DCP1A: variants seen among roughly 807,000 people sequenced by gnomAD.
DCP1A encodes the protein decapping mRNA 1A, also known as mRNA-decapping enzyme 1A.
In DCP1A, 20 loss-of-function variants were observed where a neutral mutation model predicts 58.0. The observed-to-expected ratio is 0.34, with a 90% confidence interval of 0.24 to 0.50. The LOEUF is 0.50. Among genes scored for constraint, DCP1A ranks in the 20% least tolerant of loss-of-function variants. DCP1A has a pLI of 0.98. For synonymous variants in DCP1A, 285 were observed against 275.1 expected (o/e 1.04, Z -0.36); for missense variants, 613 against 712.2 (o/e 0.86, Z 1.59).
In DCP1A at chr3:53,292,453, G is replaced by T; in HGVS notation, c.999C>A (p.Pro333=). Residue 333 remains proline (P), a synonymous_variant, in exon 7 of 10, where the codon CCC becomes CCA. Transcript: ENST00000610213. ...PAEAPTAQVP[P]SLPRNSTMMQ... ...TCATGGTGCTGTTTCGAGGTAAGCT[G>T]GGGGGAACCTGTGCAGTAGGAGCTT... 1 of 1,613,970 alleles carries T rather than the reference G, an allele frequency of 6.2e-7. No individual in the cohort carries two copies.
chr3:53,320,979 C>T (rs1359072255), intron 3 of DCP1A, among the ~76,000 whole-genome samples: 8 of 152,234 alleles, frequency 5.3e-5, no homozygotes, highest in African/African-American at 7.2e-5. Flanking sequence ...AGTCCCCTGG[C>T]GGCCAATTAT....
intron 3 of DCP1A, among the ~76,000 whole-genome samples, chr3:53,337,126 C>T (rs1406013086): frequency 6.6e-6 from 1 of 152,300 alleles, no homozygotes; most frequent in South Asian, 2.1e-4. Flanking sequence ...CCCGCCTTGG[C>T]CTCCCAAAGT....
At chr3:53,325,535 T>C (rs1169550221) in intron 3 of DCP1A, among the ~76,000 whole-genome samples, 2 of 152,180 alleles carry the variant, frequency 1.3e-5, no homozygotes, top group Non-Finnish European at 2.9e-5. Flanking sequence ...AAGATGATAC[T>C]GACAAAGATC....
At chr3:53,345,363 T>C (rs912849886) in intron 1 of DCP1A, among the ~76,000 whole-genome samples, 7 of 152,310 alleles carry the variant, frequency 4.6e-5, no homozygotes, top group Admixed American at 4.6e-4. Flanking sequence ...GAAACTTTCT[T>C]ATAGGATACT....
intron 6 of DCP1A, among the ~76,000 whole-genome samples, chr3:53,296,410 T>C (rs1321410397): frequency 3.9e-5 from 6 of 152,270 alleles, no homozygotes; most frequent in Admixed American, 1.3e-4. Context: ...TAGGTCAAAA[T>C]AGACAACAAA....
chr3:53,301,067 T>C (rs2106814709), intron 6 of DCP1A, among the ~76,000 whole-genome samples: 1 of 152,274 alleles, frequency 6.6e-6, no homozygotes, highest in South Asian at 2.1e-4. Flanking sequence ...ATGAAGTGAT[T>C]CATGATTTAG....
chr3:53,339,265 C>G (rs1553692295), intron 3 of DCP1A, among the ~76,000 whole-genome samples: 2 of 152,194 alleles, frequency 1.3e-5, no homozygotes, highest in African/African-American at 4.8e-5. Flanking sequence ...CCCAATACAG[C>G]TATTCCTTTA....
chr3:53,332,552 G>A (rs1210312771), intron 3 of DCP1A, among the ~76,000 whole-genome samples: 1 of 151,490 alleles, frequency 6.6e-6, no homozygotes, highest in African/African-American at 2.4e-5. Context: ...TTTTTGTTTT[G>A]TTGATCTGCT....
chr3:53,293,637 A>T (rs1334786948), intron 6 of DCP1A, among the ~76,000 whole-genome samples: 4 of 152,150 alleles, frequency 2.6e-5, no homozygotes, highest in African/African-American at 9.7e-5. Context: ...AAAATGAGTG[A>T]ATTAGTTGTT....
chr3:53,344,014 GA>G (rs1191773180), intron 2 of DCP1A, among the ~76,000 whole-genome samples: 1 of 151,842 alleles, frequency 6.6e-6, no homozygotes, highest in Non-Finnish European at 1.5e-5. Context: ...ACACTTAAAA[GA>G]AGAAAAAAAT....
chr3:53,342,702 T>C (rs2089228417), intron 2 of DCP1A, among the ~76,000 whole-genome samples: 1 of 152,238 alleles, frequency 6.6e-6, no homozygotes, highest in South Asian at 2.1e-4. Flanking sequence ...ATGTCACCTT[T>C]TTCATGAGGC....
chr3:53,338,027 G>A lies in DCP1A; in HGVS notation c.304+4117C>T, dbSNP rs2089144920. 9.1e-6 allele frequency: 3 copies of A among 328,808 alleles called. No homozygotes were observed. The Admixed American group carries it at 1.0e-4, about 11-fold the overall frequency. The allele number at this position is 328,808 out of a possible 1,614,324, so 20.4% of individuals were successfully genotyped here. Reference sequence around the variant, plus strand: ...GTAATTTTATTGTTACAGTAGAGTGGAAAGAACATTGGCCTTGAAGCCCGA... The same window carrying A: ...GTAATTTTATTGTTACAGTAGAGTGAAAAGAACATTGGCCTTGAAGCCCGA... On this transcript the variant is annotated intron_variant, in intron 3 of 9. Transcript: ENST00000610213.
At chr3:53,303,904 T>C (rs921894899) in intron 6 of DCP1A, among the ~76,000 whole-genome samples, 69 of 152,190 alleles carry the variant, frequency 4.5e-4, no homozygotes, top group African/African-American at 1.5e-3. Flanking sequence ...AGGAGTGCCA[T>C]GATCTGACTT....
At position 53,289,643 on chromosome 3, in the gene DCP1A, T is replaced by C. The variant is rs185196254; in HGVS notation, c.1449+1148A>G. On this transcript the variant is annotated intron_variant, in intron 8 of 9. Transcript: ENST00000610213. Reference sequence around the variant, plus strand: ...AAAAAAAAAATCCAGTTATGTTCAATCTATTTTTTTATACTATTATAGATA... The same window carrying C: ...AAAAAAAAAATCCAGTTATGTTCAACCTATTTTTTTATACTATTATAGATA... Among the ~76,000 whole-genome samples the C allele has an allele frequency of 8.6e-5, 13 of 151,972 alleles. No individual in the cohort carries two copies. In the East Asian group the frequency reaches 2.5e-3, roughly 30 times the overall value.
intron 6 of DCP1A, among the ~76,000 whole-genome samples, chr3:53,299,293 T>C (rs1707235620): frequency 6.6e-6 from 1 of 152,244 alleles, no homozygotes; most frequent in South Asian, 2.1e-4. Flanking sequence ...TAACCTTCCA[T>C]CATCCACAGA....
chr3:53,302,961 A>G (rs1267804054), intron 6 of DCP1A, among the ~76,000 whole-genome samples: 1 of 147,334 alleles, frequency 6.8e-6, no homozygotes, highest in African/African-American at 2.5e-5. Flanking sequence ...ATTAAATTAA[A>G]TTTTTGAGAC....
At chr3:53,314,667 CTTTTTTTTT>C (rs1167830951) in intron 4 of DCP1A, among the ~76,000 whole-genome samples, 5 of 86,722 alleles carry the variant, frequency 5.8e-5, no homozygotes, top group African/African-American at 9.3e-5. Context: ...TTTTCTTTTT[CTTTTTTTTT>C]TTTTTTTTTT....
At chr3:53,337,271 C>T (rs996098486) in intron 3 of DCP1A, among the ~76,000 whole-genome samples, 1 of 152,124 alleles carries the variant, frequency 6.6e-6, no homozygotes, top group Non-Finnish European at 1.5e-5. Context: ...TAAAGAGACA[C>T]AAAGAGCCTG....
At chr3:53,329,541 A>G (rs1238467794) in intron 3 of DCP1A, 1 of 392,704 alleles carries the variant, frequency 2.5e-6, no homozygotes, top group Non-Finnish European at 4.5e-6. Context: ...CTAAAGAGCA[A>G]CATATTAGAC....
Sources: allele counts gnomAD v4.1 joint callset (sites outside exome capture counted in the v4.1 genomes callset), GRCh38; gene constraint gnomAD v4.1.1; transcripts MANE v1.5; gene names NCBI Gene and HGNC (gene_info 2026-07-23, HGNC 2026-07-21).